Variants in DGKK observed in about 807,000 individuals in gnomAD.
DGKK encodes diacylglycerol kinase kappa, also known as 142 kDa diacylglycerol kinase.
Under a neutral mutation model 92.2 loss-of-function variants are expected in DGKK, and 35 were observed. The observed-to-expected ratio is 0.38, with a 90% confidence interval of 0.29 to 0.50. DGKK has a LOEUF of 0.50. Among genes scored for constraint, DGKK ranks in the 20% least tolerant of loss-of-function variants. The pLI is 0.92. For synonymous variants in DGKK, 368 were observed against 360.6 expected (o/e 1.02, Z -0.23); for missense variants, 910 against 992.2 (o/e 0.92, Z 1.11).
chrX:50,421,266 G>A (rs782242556), intron 3 of DGKK, among the ~76,000 whole-genome samples: 5 of 111,671 alleles, frequency 4.5e-5, no homozygotes, highest in Non-Finnish European at 9.4e-5. Flanking sequence ...GAGGGCAGGA[G>A]GGATCATGGA....
At chrX:50,434,328 G>A (rs908119800) in intron 1 of DGKK, among the ~76,000 whole-genome samples, 18 of 112,045 alleles carry the variant, frequency 1.6e-4, no homozygotes, top group African/African-American at 5.2e-4. Flanking sequence ...TTTAATGCCC[G>A]CAGCCACAGT....
Position 50,470,048 on chromosome X carries a change from A to T in DGKK, c.631T>A (p.Trp211Arg). The T allele has an allele frequency of 8.3e-7, 1 of 1,202,776 alleles. No homozygotes were observed. Among genetic ancestry groups the T allele is most frequent in the Non-Finnish European group, 1.1e-6 (1 of 890,979 alleles). The part of the protein sequence containing the change: ...PSPSPRTPMS[W>R]SRIKKILKEG... Reference sequence around the variant, plus strand: ...CTTTTGCTTACCTTTATTCTGGACCACGACATTGGCGTTCTGGGCGATGGC... The same window carrying T: ...CTTTTGCTTACCTTTATTCTGGACCTCGACATTGGCGTTCTGGGCGATGGC... The change falls in exon 1 of 28, where the codon TGG becomes AGG. Residue 211 changes from tryptophan to arginine, a missense_variant. Coordinates refer to ENST00000611977, the MANE Select transcript of DGKK (RefSeq NM_001013742.4).
chrX:50,388,859 G>A (rs904490910), intron 12 of DGKK, among the ~76,000 whole-genome samples: 5 of 112,100 alleles, frequency 4.5e-5, no homozygotes, highest in Non-Finnish European at 7.5e-5. Flanking sequence ...AACCTCATAT[G>A]AAGGAGGTAC....
chrX:50,444,760 G>A (rs1211781696), intron 1 of DGKK, among the ~76,000 whole-genome samples: 1 of 110,798 alleles, frequency 9.0e-6, no homozygotes, highest in Non-Finnish European at 1.9e-5. Context: ...ACATTCACAT[G>A]CATGTGTCTT....
intron 14 of DGKK, among the ~76,000 whole-genome samples, chrX:50,387,313 T>C (rs1924569883): frequency 9.0e-6 from 1 of 111,593 alleles, no homozygotes; most frequent in African/African-American, 3.3e-5. Context: ...TACACTTGTG[T>C]CTAGTTGTGG....
At chrX:50,406,981 G>T (rs1243185387) in intron 4 of DGKK, among the ~76,000 whole-genome samples, 1 of 111,509 alleles carries the variant, frequency 9.0e-6, no homozygotes, top group African/African-American at 3.3e-5. Flanking sequence ...AGCCTAGATT[G>T]CCTTGAACTG....
rs1207267054 is a variant in DGKK at position 50,457,182 on chromosome X, C to G, written c.645+12852G>C. 2.7e-5 allele frequency among the ~76,000 whole-genome samples: 3 copies of G among 111,542 alleles called. No homozygotes were observed. In the East Asian group the frequency reaches 8.5e-4, roughly 32 times the overall value. On this transcript the variant is annotated intron_variant, in intron 1 of 27. Transcript: ENST00000611977. ...ACACGAACATTAGCATATTAAAATG[C>G]AGGCACACCAAAATAACCCAGTCTT...
chrX:50,383,236 A>C (rs1924454486), intron 17 of DGKK, among the ~76,000 whole-genome samples: 1 of 111,722 alleles, frequency 9.0e-6, no homozygotes, highest in East Asian at 2.8e-4. Flanking sequence ...ATTCAATGGC[A>C]TTATATCACT....
intron 1 of DGKK, among the ~76,000 whole-genome samples, chrX:50,432,388 C>G (rs1925911811): frequency 8.9e-6 from 1 of 112,576 alleles, no homozygotes; most frequent in Non-Finnish European, 1.9e-5. Context: ...AGGTATTTTA[C>G]ACACGTGAGC....
Position 50,470,790 on chromosome X carries a change from CT to C in DGKK, c.-113del. ...CGGCAGCCCCTCGCAGGGTGCCAAA[CT>C]TTCCCCCATCCCACTCCATGGCTGG... On this transcript the variant is annotated 5_prime_UTR_variant, in exon 1 of 28. An upstream open reading frame in the 5' UTR loses its in-frame stop. Transcript: ENST00000611977. 1.1e-6 allele frequency: 1 copy of C among 903,990 alleles called. No individual in the cohort carries two copies. The highest frequency in any genetic ancestry group is 1.5e-6 in the Non-Finnish European group (1 of 677,959). 74.5% of individuals were successfully genotyped at this position (903,990 alleles called of 1,213,427 possible).
rs782107650 is a variant in DGKK, at chrX:50,388,506, G to A, written c.2018+21C>T. On this transcript the variant is annotated intron_variant, in intron 13 of 27. Transcript: ENST00000611977. ...TGACCTGGGAACAGCCCCAAAGGAT[G>A]AGAGCCAAAGGAAGACTGACCTGGT... 5.1e-6 allele frequency: 6 copies of A among 1,169,910 alleles called. No individual in the cohort carries two copies. In the East Asian group the frequency reaches 1.8e-4, roughly 35 times the overall value.
intron 1 of DGKK, among the ~76,000 whole-genome samples, chrX:50,452,990 G>T (rs1213035867): frequency 9.0e-6 from 1 of 111,536 alleles, no homozygotes; most frequent in Non-Finnish European, 1.9e-5. Flanking sequence ...CAGTTTAAAT[G>T]ATGAATCATC....
At chrX:50,388,775 G>A (rs1557225259) in intron 12 of DGKK, among the ~76,000 whole-genome samples, 157 bp from the exon 13 acceptor site, 1 of 111,694 alleles carries the variant, frequency 9.0e-6, no homozygotes, top group Non-Finnish European at 1.9e-5. Flanking sequence ...TCTTGTTGAA[G>A]GTCAACAGAG....
intron 1 of DGKK, among the ~76,000 whole-genome samples, chrX:50,443,156 T>C (rs1225992712): frequency 9.0e-6 from 1 of 111,312 alleles, no homozygotes; most frequent in Non-Finnish European, 1.9e-5. Context: ...CCTGCCTACA[T>C]TCTAGGGGAG....
rs1348412044 is a variant in DGKK at position 50,367,499 on chromosome X, T to G, written c.*1441A>C. 2 of 111,839 alleles carry G rather than the reference T, an allele frequency of 1.8e-5. No homozygotes were observed. Among genetic ancestry groups the G allele is most frequent in the Admixed American group, 9.5e-5 (1 of 10,573 alleles). The allele number at this position is 111,839 out of a possible 1,213,427, so 9.2% of individuals were successfully genotyped here. Reference sequence around the variant, plus strand: ...CCAGGCCCATGTTTTTTCTGATCACTTCAATGCCCCTCTGTACTCAAGGGA... The same window carrying G: ...CCAGGCCCATGTTTTTTCTGATCACGTCAATGCCCCTCTGTACTCAAGGGA... On this transcript the variant is annotated 3_prime_UTR_variant, in exon 28 of 28. Transcript: ENST00000611977.
chrX:50,461,272 G>A (rs782680030), intron 1 of DGKK, among the ~76,000 whole-genome samples: 1 of 112,071 alleles, frequency 8.9e-6, no homozygotes, highest in African/African-American at 3.2e-5. Flanking sequence ...CTAAATCCAA[G>A]GTAGAATAAT....
chrX:50,425,349 C>A (rs1401125863), intron 1 of DGKK, among the ~76,000 whole-genome samples: 9 of 109,577 alleles, frequency 8.2e-5, no homozygotes, highest in Non-Finnish European at 1.7e-4. Flanking sequence ...TTTCCTGTTT[C>A]TTTTTTTTTA....
intron 1 of DGKK, among the ~76,000 whole-genome samples, chrX:50,432,585 T>C (rs1557230407): frequency 8.9e-6 from 1 of 112,640 alleles, no homozygotes. Flanking sequence ...GTGATTTATT[T>C]AAACAATTCC....
intron 1 of DGKK, 39 bp from the exon 2 acceptor site, chrX:50,424,397 T>C: frequency 9.0e-7 from 1 of 1,109,539 alleles, no homozygotes; most frequent in African/African-American, 1.8e-5. Flanking sequence ...ATTAGATCAA[T>C]TCATAAGGTC....
Sources: gnomAD v4.1 joint callset for allele counts (sites outside exome capture counted in the v4.1 genomes callset) on GRCh38, gnomAD v4.1.1 for gene constraint, MANE v1.5 for transcripts, NCBI Gene and HGNC (gene_info 2026-07-23, HGNC 2026-07-21) for gene names.